Variants in NMNAT2 observed in about 807,000 individuals in gnomAD.
NMNAT2 encodes the protein nicotinamide/nicotinic acid mononucleotide adenylyltransferase 2.
Under a neutral mutation model 41.6 loss-of-function variants are expected in NMNAT2, and 11 were observed. The observed-to-expected ratio is 0.26, with a 90% CI of 0.17 to 0.44. The LOEUF (loss-of-function observed/expected upper bound fraction) is 0.44. Among genes scored for constraint, NMNAT2 ranks in the 20% least tolerant of loss-of-function variants. The pLI is 1.00. For missense variants in NMNAT2, 288 were observed against 407.7 expected (o/e 0.71, Z 2.53); for synonymous variants, 148 against 151.2 (o/e 0.98, Z 0.16).
At chr1:183,280,871 C>T (rs1052566225) in intron 7 of NMNAT2, among the ~76,000 whole-genome samples, 4 of 148,474 alleles carry the variant, frequency 2.7e-5, no homozygotes, top group Admixed American at 6.8e-5. Context: ...CCGCAACCTC[C>T]GCCTCCTGGG....
chr1:183,292,965 G>A, intron 2 of NMNAT2, 108 bp from the exon 3 acceptor site: 2 of 994,676 alleles, frequency 2.0e-6, no homozygotes, highest in South Asian at 2.8e-5. Context: ...TTTTTCAGTG[G>A]TGAGAGGGAA....
intron 1 of NMNAT2, among the ~76,000 whole-genome samples, chr1:183,378,610 T>C (rs1472347208): frequency 6.6e-6 from 1 of 151,900 alleles, no homozygotes. Flanking sequence ...AAGTTTCAGT[T>C]AAACCTAGAG....
At chr1:183,326,447 G>T (rs917420417) in intron 1 of NMNAT2, among the ~76,000 whole-genome samples, 4 of 150,796 alleles carry the variant, frequency 2.7e-5, no homozygotes, top group African/African-American at 9.7e-5. Flanking sequence ...GGGAAAATAT[G>T]TTGTGAGGAA....
intron 1 of NMNAT2, among the ~76,000 whole-genome samples, chr1:183,349,933 C>T (rs999403103): frequency 6.6e-6 from 1 of 152,130 alleles, no homozygotes; most frequent in Non-Finnish European, 1.5e-5. Flanking sequence ...ATCTCTCAGG[C>T]CGAAATCAGG....
At chr1:183,253,150 T>A (rs960795584) in intron 10 of NMNAT2, among the ~76,000 whole-genome samples, 3 of 151,290 alleles carry the variant, frequency 2.0e-5, no homozygotes, top group African/African-American at 7.3e-5. Flanking sequence ...TTGTATTGTG[T>A]ATATTTAAGT....
chr1:183,325,798 G>A (rs1360521892), intron 1 of NMNAT2, among the ~76,000 whole-genome samples: 1 of 152,082 alleles, frequency 6.6e-6, no homozygotes, highest in Admixed American at 6.5e-5. Context: ...CAAACCTATT[G>A]CCCAGTACAT....
intron 1 of NMNAT2, among the ~76,000 whole-genome samples, chr1:183,386,351 G>A (rs2101918601): frequency 6.6e-6 from 1 of 152,202 alleles, no homozygotes; most frequent in South Asian, 2.1e-4. Context: ...TCTTTACAAA[G>A]TTTCCAATAT....
chr1:183,347,933 G>C (rs140896556), intron 1 of NMNAT2, among the ~76,000 whole-genome samples: 1 of 152,050 alleles, frequency 6.6e-6, no homozygotes, highest in Non-Finnish European at 1.5e-5. Flanking sequence ...GACTACTTGC[G>C]CTGGGAGGGT....
At chr1:183,286,278 G>C (rs496716) in intron 5 of NMNAT2, among the ~76,000 whole-genome samples, 1 of 151,874 alleles carries the variant, frequency 6.6e-6, no homozygotes, top group African/African-American at 2.4e-5. Context: ...ATTTGGTACA[G>C]GTGGGGTTTC....
chr1:183,281,455 T>C (rs1661268224), intron 7 of NMNAT2, among the ~76,000 whole-genome samples: 3 of 152,324 alleles, frequency 2.0e-5, no homozygotes, highest in South Asian at 2.1e-4. Context: ...CTTACAGCCA[T>C]GAAAATAAAT....
chr1:183,293,062 G>T (rs1661585489), intron 2 of NMNAT2, among the ~76,000 whole-genome samples: 1 of 152,196 alleles, frequency 6.6e-6, no homozygotes, highest in African/African-American at 2.4e-5. Flanking sequence ...AAGGGTGTGT[G>T]GTATATACCA....
intron 1 of NMNAT2, among the ~76,000 whole-genome samples, chr1:183,396,616 G>A (rs890959613): frequency 1.3e-4 from 20 of 152,124 alleles, no homozygotes; most frequent in East Asian, 5.8e-4. Flanking sequence ...CTGCACATAC[G>A]GACAGCCTGC....
intron 8 of NMNAT2, among the ~76,000 whole-genome samples, chr1:183,268,099 G>C (rs149321009): frequency 8.3e-4 from 126 of 152,280 alleles, no homozygotes; most frequent in Middle Eastern, 3.4e-3. Flanking sequence ...GGAGGGGGTA[G>C]ACTCTGCTTC....
Position 183,418,245 on chromosome 1 carries a change from T to G in NMNAT2, c.23A>C (p.His8Pro). ...GCTGCCGCAGGCGAGCAAGATAACG[T>G]GGGTCTTGGTGGTCTCGGTCATGGT... MTETTKT[H>P]VILLACGSFN... The change falls in exon 1 of 11, where the codon CAC becomes CCC. Residue 8 changes from histidine (H) to proline (P), a missense_variant. Transcript: ENST00000287713. 6.2e-7 allele frequency: 1 copy of G among 1,613,544 alleles called. No individual in the cohort carries two copies. The highest frequency in any genetic ancestry group is 1.1e-5 in the South Asian group (1 of 91,054).
chr1:183,273,841 C>CCCTTCCTTCCTT (rs1158581494), intron 8 of NMNAT2, among the ~76,000 whole-genome samples: 4 of 79,164 alleles, frequency 5.1e-5, no homozygotes, highest in African/African-American at 2.6e-4. Context: ...CTCCCTCCCT[C>CCCTTCCTTCCTT]CCTTCCTTCC....
At chr1:183,279,659 C>T (rs1415616141) in intron 7 of NMNAT2, among the ~76,000 whole-genome samples, 2 of 152,124 alleles carry the variant, frequency 1.3e-5, no homozygotes, top group African/African-American at 2.4e-5. Context: ...GGTAAGCTGT[C>T]CCCTGCTGTG....
intron 1 of NMNAT2, among the ~76,000 whole-genome samples, chr1:183,380,242 A>G (rs1571628549): frequency 6.6e-6 from 1 of 152,276 alleles, no homozygotes; most frequent in East Asian, 1.9e-4. Context: ...ATGGAAACTT[A>G]TGGCATGCAT....
In NMNAT2 at chr1:183,336,269, C is replaced by T. The variant is rs562050132; in HGVS notation, c.86-42476G>A. 3.3e-5 allele frequency among the ~76,000 whole-genome samples: 5 copies of T among 152,206 alleles called. No individual in the cohort carries two copies. In the South Asian group the frequency reaches 6.2e-4, roughly 19 times the overall value. On this transcript the variant is annotated intron_variant, in intron 1 of 10. Coordinates refer to ENST00000287713, the MANE Select transcript of NMNAT2 (RefSeq NM_015039.4). ...AAAAGAAAATGTATGAAAACTTGAACGGACATTTCACAAAAGAAGATATAT... is the reference window on the plus strand; with the variant it reads ...AAAAGAAAATGTATGAAAACTTGAATGGACATTTCACAAAAGAAGATATAT...
At chr1:183,263,310 C>T (rs1055695514) in intron 8 of NMNAT2, among the ~76,000 whole-genome samples, 20 of 152,190 alleles carry the variant, frequency 1.3e-4, no homozygotes, top group African/African-American at 4.6e-4. Flanking sequence ...GTGTTCAGAT[C>T]AGGTAAACTG....
Sources: gnomAD v4.1 joint callset for allele counts (sites outside exome capture counted in the v4.1 genomes callset) on GRCh38, gnomAD v4.1.1 for gene constraint, MANE v1.5 for transcripts, NCBI Gene and HGNC (gene_info 2026-07-23, HGNC 2026-07-21) for gene names.